DNAH7: variants seen among roughly 807,000 people sequenced by gnomAD.
The protein encoded by DNAH7 is dynein axonemal heavy chain 7, also known as axonemal beta dynein heavy chain 7.
Under a neutral mutation model 444.6 loss-of-function variants are expected in DNAH7, and 397 were observed. The ratio of observed to expected loss-of-function variants is 0.89; its 90% CI spans 0.82 to 0.97. The LOEUF (loss-of-function observed/expected upper bound fraction) is 0.97, where lower values mean the gene tolerates loss of function less well. Ranked by LOEUF, DNAH7 falls within the 50% of genes least tolerant of loss-of-function variation. DNAH7 has a pLI of 0.00. For synonymous variants in DNAH7, 1,636 were observed against 1,624.4 expected, an observed-to-expected ratio of 1.01 and a Z score of -0.17; for missense variants, 4,902 against 4,800.8, an observed-to-expected ratio of 1.02 and a Z score of -0.62.
At chr2:195,748,668 C>G (rs1391157036) in intron 63 of DNAH7, among the ~76,000 whole-genome samples, 3 of 152,138 alleles carry the variant, frequency 2.0e-5, no homozygotes, top group African/African-American at 7.2e-5. Context: ...ACAGAGCCCT[C>G]AGAAATAACG....
intron 42 of DNAH7, among the ~76,000 whole-genome samples, chr2:195,859,757 C>T (rs1374428994): frequency 6.6e-6 from 1 of 152,010 alleles, no homozygotes; most frequent in Admixed American, 6.6e-5. Context: ...CAGAGGGGAC[C>T]GAATGTATGG....
intron 9 of DNAH7, among the ~76,000 whole-genome samples, chr2:196,013,766 T>C (rs1694851768): frequency 6.6e-6 from 1 of 152,222 alleles, no homozygotes; most frequent in African/African-American, 2.4e-5. Context: ...ATGTTTTAAA[T>C]AAAATGTTTA....
chr2:196,058,180 A>G, intron 1 of DNAH7, 64 bp from the exon 2 acceptor site: 1 of 1,304,688 alleles, frequency 7.7e-7, no homozygotes, highest in Non-Finnish European at 1.1e-6. Flanking sequence ...GATTCACTCA[A>G]CCAAATTTTA....
At chr2:195,979,452 A>C (rs2125602655) in intron 15 of DNAH7, among the ~76,000 whole-genome samples, 1 of 152,244 alleles carries the variant, frequency 6.6e-6, no homozygotes, top group East Asian at 1.9e-4. Context: ...AACATACCAA[A>C]ACCTATGGGA....
At chr2:195,789,878 C>T (rs1695796784) in intron 57 of DNAH7, among the ~76,000 whole-genome samples, 1 of 151,990 alleles carries the variant, frequency 6.6e-6, no homozygotes, top group Non-Finnish European at 1.5e-5. Context: ...AAGAAGAAGA[C>T]AAACTATCTC....
chr2:195,758,313 T>G (rs1694181158), intron 61 of DNAH7, among the ~76,000 whole-genome samples: 1 of 152,220 alleles, frequency 6.6e-6, no homozygotes, highest in African/African-American at 2.4e-5. Flanking sequence ...CATGTAAAGT[T>G]TTTCACTTAT....
At chr2:195,755,491 A>G (rs1025969234) in intron 62 of DNAH7, among the ~76,000 whole-genome samples, 1 of 152,232 alleles carries the variant, frequency 6.6e-6, no homozygotes, top group African/African-American at 2.4e-5. Context: ...GTATAACTTT[A>G]TCCTTCAAAA....
chr2:195,816,748 A>AATAGG lies in DNAH7; in HGVS notation c.9636_9640dup (p.Phe3214SerfsTer9). The AATAGG allele has an allele frequency of 6.2e-7, 1 of 1,614,178 alleles. No individual in the cohort carries two copies. Among genetic ancestry groups the AATAGG allele is most frequent in the Non-Finnish European group, 8.5e-7 (1 of 1,180,022 alleles). ...GTTGGCTAAATCAGCAAGAGAAAAA[A>AATAGG]ATAGGATGGAAGAATGGATGGCAAT... is the stretch of plus-strand genomic sequence containing the variant. On this transcript the variant is annotated frameshift_variant, in exon 51 of 65. Coordinates refer to ENST00000312428, the MANE Select transcript of DNAH7 (RefSeq NM_018897.3). LOFTEE classifies it high-confidence loss of function.
intron 42 of DNAH7, among the ~76,000 whole-genome samples, chr2:195,859,211 T>C (rs1699886360): frequency 6.6e-6 from 1 of 152,198 alleles, no homozygotes; most frequent in Non-Finnish European, 1.5e-5. Flanking sequence ...ACTTCAGTGC[T>C]CAAAATATAT....
intron 20 of DNAH7, 109 bp from the exon 21 acceptor site, chr2:195,934,898 T>C: frequency 1.6e-6 from 2 of 1,249,196 alleles, no homozygotes; most frequent in South Asian, 3.0e-5. Flanking sequence ...GGGAATGAAA[T>C]GCTGTGCAAA....
chr2:195,988,249 T>C lies in DNAH7; in HGVS notation c.1354-20A>G. On this transcript the variant is annotated intron_variant, in intron 12 of 64. Transcript: ENST00000312428. Reference sequence around the variant, plus strand: ...ACTTTCCTAAACAAGGGGGTAAAAATAATAGTATTTAAAATATCTTAAAGT... The same window carrying C: ...ACTTTCCTAAACAAGGGGGTAAAAACAATAGTATTTAAAATATCTTAAAGT... The C allele has an allele frequency of 6.4e-7, 1 of 1,550,396 alleles. No individual in the cohort carries two copies. Among genetic ancestry groups the C allele is most frequent in the Non-Finnish European group, 8.7e-7 (1 of 1,151,324 alleles).
intron 27 of DNAH7, chr2:195,905,554 T>C (rs934481542): frequency 1.3e-5 from 2 of 152,164 alleles, no homozygotes; most frequent in African/African-American, 2.4e-5. Flanking sequence ...AGTGTGGAAG[T>C]AATATAGGAT....
intron 63 of DNAH7, among the ~76,000 whole-genome samples, chr2:195,746,618 T>C (rs1166299659): frequency 6.6e-6 from 1 of 152,140 alleles, no homozygotes; most frequent in African/African-American, 2.4e-5. Context: ...TCAGCAAATG[T>C]AAAAGAATAG....
intron 59 of DNAH7, among the ~76,000 whole-genome samples, chr2:195,776,720 T>C (rs1452720863): frequency 8.5e-5 from 13 of 152,212 alleles, no homozygotes; most frequent in Admixed American, 8.5e-4. Context: ...AATTCTATTA[T>C]TCTGATAATC....
chr2:195,957,767 A>T (rs1690788591), intron 18 of DNAH7, among the ~76,000 whole-genome samples: 1 of 152,126 alleles, frequency 6.6e-6, no homozygotes, highest in South Asian at 2.1e-4. Context: ...TAATAATATA[A>T]CATTTATGCT....
At chr2:196,040,132 T>C (rs1431924092) in intron 5 of DNAH7, among the ~76,000 whole-genome samples, 1 of 152,142 alleles carries the variant, frequency 6.6e-6, no homozygotes, top group Non-Finnish European at 1.5e-5. Context: ...TACTGCTGAA[T>C]TCTATGAAAA....
chr2:195,791,447 C>A (rs1483772882), intron 57 of DNAH7, among the ~76,000 whole-genome samples: 3 of 149,860 alleles, frequency 2.0e-5, no homozygotes, highest in African/African-American at 7.4e-5. Context: ...AATGCTTATA[C>A]ACTGTTGGTA....
intron 48 of DNAH7, among the ~76,000 whole-genome samples, chr2:195,826,012 AAAT>A (rs1365163788): frequency 2.0e-5 from 3 of 152,172 alleles, no homozygotes; most frequent in African/African-American, 7.2e-5. Flanking sequence ...TTTCATGGTT[AAAT>A]AATATGAATG....
At chr2:195,816,433 T>C (rs1697222065) in intron 51 of DNAH7, among the ~76,000 whole-genome samples, 195 bp downstream of exon 51, 1 of 152,228 alleles carries the variant, frequency 6.6e-6, no homozygotes, top group Non-Finnish European at 1.5e-5. Context: ...AAACAGTTTC[T>C]TGGCAGATTG....
Sources: gnomAD v4.1 joint callset for allele counts (sites outside exome capture counted in the v4.1 genomes callset) on GRCh38, gnomAD v4.1.1 for gene constraint, MANE v1.5 for transcripts, NCBI Gene and HGNC (gene_info 2026-07-23, HGNC 2026-07-21) for gene names.